Variants in WSCD1 observed in about 807,000 individuals in gnomAD.
The protein encoded by WSCD1 is WSC domain sialate O sulfotransferase 1, also known as sialate:O-sulfotransferase 1.
WSCD1 carries 41 observed loss-of-function variants against 60.4 expected under a neutral mutation model. The ratio of observed to expected loss-of-function variants is 0.68; its 90% confidence interval spans 0.53 to 0.88. The LOEUF (loss-of-function observed/expected upper bound fraction) is 0.88. WSCD1 is among the 40% of genes least tolerant of loss of function. The probability of loss-of-function intolerance (pLI) is 0.00; values close to 1 mark genes in which losing one functional copy is unlikely to be tolerated. For synonymous variants in WSCD1, 361 were observed against 332.5 expected (o/e 1.09, Z -0.93); for missense variants, 784 against 796.2 (o/e 0.98, Z 0.18).
In WSCD1 at chr17:6,091,976, GA is replaced by G. The variant is rs377144982; in HGVS notation, c.727+1475del. Among the ~76,000 whole-genome samples the G allele has an allele frequency of 3.5e-4, 54 of 152,230 alleles. No homozygotes were observed. In the South Asian group the frequency reaches 0.011, roughly 30 times the overall value. ...TCGAGACCAGCCTGACCAACATGGT[GA>G]AAACCCGTCTCTACTAAAAATACAA... On this transcript the variant is annotated intron_variant, in intron 4 of 8. Coordinates refer to ENST00000317744, the MANE Select transcript of WSCD1 (RefSeq NM_015253.2).
In WSCD1 at chr17:6,114,981, G is replaced by A. The variant is rs542220695; in HGVS notation, c.1175-3007G>A. ...GCTGTGTTAGTTTGCTGAGAATGAT[G>A]GCTTCCAGCTTCATGCATGTTCCTG... On this transcript the variant is annotated intron_variant, in intron 7 of 8. Transcript: ENST00000317744. Among the ~76,000 whole-genome samples, 6 of 152,106 alleles carry A rather than the reference G, an allele frequency of 3.9e-5. No individual in the cohort carries two copies. The East Asian group carries it at 1.2e-3, about 29-fold the overall frequency.
At chr17:6,114,153 T>TAAAAAA (rs370433776) in intron 7 of WSCD1, among the ~76,000 whole-genome samples, 1 of 125,196 alleles carries the variant, frequency 8.0e-6, no homozygotes, top group African/African-American at 3.0e-5. Context: ...TAGTTAGCCG[T>TAAAAAA]AAAAAAAAAA....
intron 4 of WSCD1, among the ~76,000 whole-genome samples, chr17:6,093,110 G>A (rs1408823156): frequency 6.6e-6 from 1 of 152,240 alleles, no homozygotes; most frequent in Non-Finnish European, 1.5e-5. Flanking sequence ...TCTTCGCCTT[G>A]GAGGCGTCAT....
At chr17:6,100,640 G>A (rs562432533) in intron 5 of WSCD1, among the ~76,000 whole-genome samples, 129 of 152,338 alleles carry the variant, frequency 8.5e-4, no homozygotes, top group Non-Finnish European at 1.5e-3. Flanking sequence ...GTTGGCATTT[G>A]GGGTTGGATA....
At chr17:6,104,661 T>C (rs1910986442) in intron 5 of WSCD1, among the ~76,000 whole-genome samples, 1 of 152,216 alleles carries the variant, frequency 6.6e-6, no homozygotes. Flanking sequence ...GTACCTTGAA[T>C]ATCCAGATCT....
At position 6,081,112 on chromosome 17, in the gene WSCD1, G is replaced by A; in HGVS notation, c.427+27G>A. On this transcript the variant is annotated intron_variant, in intron 2 of 8. Coordinates refer to ENST00000317744, the MANE Select transcript of WSCD1 (RefSeq NM_015253.2). Reference sequence around the variant, plus strand: ...TAGGCGCTCAGCTGCATTTGGGGGAGCTGTTCCCAGGACCCCCCATTCAGG... The same window carrying A: ...TAGGCGCTCAGCTGCATTTGGGGGAACTGTTCCCAGGACCCCCCATTCAGG... The A allele has an allele frequency of 3.3e-6, 5 of 1,519,330 alleles. No individual in the cohort carries two copies. In the South Asian group the frequency reaches 3.6e-5, roughly 11 times the overall value. The allele number at this position is 1,519,330 out of a possible 1,614,324, so 94.1% of individuals were successfully genotyped here. A position where few individuals can be genotyped will look rare whatever the true frequency, so the allele number is the denominator to read the frequency against.
Position 6,075,297 on chromosome 17 carries a change from C to T in WSCD1, c.-289+4645C>T, listed in dbSNP as rs577033967. Among the ~76,000 whole-genome samples, 28 of 152,236 alleles carry T rather than the reference C, an allele frequency of 1.8e-4. No homozygotes were observed. Among genetic ancestry groups the T allele is most frequent in the African/African-American group, 6.5e-4 (27 of 41,532 alleles). On this transcript the variant is annotated intron_variant, in intron 1 of 8. Transcript: ENST00000317744. The surrounding 1 kb of genome is among the most constrained non-coding windows in gnomAD (Gnocchi z 4.1). ...GCCTGTTCTCTCTGACCGGGGGTCA[C>T]GGGGAGGTTGAGTCATCTGACTGAA...
intron 3 of WSCD1, among the ~76,000 whole-genome samples, chr17:6,088,935 A>G (rs915150432): frequency 1.3e-5 from 2 of 151,654 alleles, no homozygotes; most frequent in Admixed American, 1.3e-4. Context: ...GGCGCCCACC[A>G]CCACGCCCGG....
chr17:6,112,593 G>C (rs1850541878), intron 7 of WSCD1, among the ~76,000 whole-genome samples: 1 of 151,934 alleles, frequency 6.6e-6, no homozygotes, highest in Non-Finnish European at 1.5e-5. Context: ...ACCAATAAAT[G>C]AATTCAGTAA....
At chr17:6,117,894 C>A in intron 7 of WSCD1, 94 bp from the exon 8 acceptor site, 1 of 1,328,176 alleles carries the variant, frequency 7.5e-7, no homozygotes, top group Non-Finnish European at 1.1e-6. Context: ...TCTCTTATGC[C>A]CCTGATGCCA....
rs1904705737 is a variant in WSCD1, at chr17:6,121,509, T to C, written c.*848T>C. The C allele has an allele frequency of 6.6e-6, 1 of 152,186 alleles. No homozygotes were observed. The highest frequency in any genetic ancestry group is 1.5e-5 in the Non-Finnish European group (1 of 68,112). 9.4% of individuals were successfully genotyped at this position (152,186 alleles called of 1,614,324 possible). A position where few individuals can be genotyped will look rare whatever the true frequency, so the allele number is the denominator to read the frequency against. The stretch of plus-strand genomic sequence containing the variant: ...GCCTGGCTTCTTCCTCCAGCTATCC[T>C]CAGGGAAGCTGGAGATTCAAGTCAT... On this transcript the variant is annotated 3_prime_UTR_variant, in exon 9 of 9. Transcript: ENST00000317744.
At chr17:6,074,548 C>T (rs968548551) in intron 1 of WSCD1, among the ~76,000 whole-genome samples, 1 of 152,228 alleles carries the variant, frequency 6.6e-6, no homozygotes, top group African/African-American at 2.4e-5. Flanking sequence ...TGACTCAAGA[C>T]CACACACTAC....
chr17:6,107,097 C>T (rs1325642292), intron 5 of WSCD1, among the ~76,000 whole-genome samples: 1 of 152,190 alleles, frequency 6.6e-6, no homozygotes, highest in African/African-American at 2.4e-5. Flanking sequence ...ACTTGGCTTG[C>T]AGATGGAAGC....
chr17:6,111,059 C>T lies in WSCD1; in HGVS notation c.1174+124C>T, dbSNP rs1192916428. ...AAACTTGAGTGTACATAAGAGTCACCTGTGGGTGGAGCCACTGTGTGCCAT... is the reference window on the plus strand; with the variant it reads ...AAACTTGAGTGTACATAAGAGTCACTTGTGGGTGGAGCCACTGTGTGCCAT... On this transcript the variant is annotated intron_variant, in intron 7 of 8. Coordinates refer to ENST00000317744, the MANE Select transcript of WSCD1 (RefSeq NM_015253.2). 4 of 1,209,518 alleles carry T rather than the reference C, an allele frequency of 3.3e-6. No individual in the cohort carries two copies. The African/African-American group carries it at 5.6e-5, about 17-fold the overall frequency. The allele number at this position is 1,209,518 out of a possible 1,614,324, so 74.9% of individuals were successfully genotyped here.
chr17:6,099,441 G>A (rs559396150), intron 5 of WSCD1, among the ~76,000 whole-genome samples: 1 of 151,362 alleles, frequency 6.6e-6, no homozygotes, highest in Admixed American at 6.6e-5. Flanking sequence ...CTTGAACCCA[G>A]GAGGCAGAGG....
At chr17:6,088,683 G>T (rs1246915005) in intron 3 of WSCD1, among the ~76,000 whole-genome samples, 1 of 127,510 alleles carries the variant, frequency 7.8e-6, no homozygotes. Flanking sequence ...CTGACTGTGT[G>T]TCTGTGTGTG....
At chr17:6,117,622 GTTGT>G (rs1904366950) in intron 7 of WSCD1, among the ~76,000 whole-genome samples, 1 of 152,240 alleles carries the variant, frequency 6.6e-6, no homozygotes, top group South Asian at 2.1e-4. Flanking sequence ...TAAATCAAAG[GTTGT>G]TTGTAATGCT....
Position 6,118,300 on chromosome 17 carries a change from T to C in WSCD1, c.1375+112T>C. 2 of 1,181,184 alleles carry C rather than the reference T, an allele frequency of 1.7e-6. No individual in the cohort carries two copies. Among genetic ancestry groups the C allele is most frequent in the South Asian group, 2.9e-5 (2 of 68,808 alleles). 73.2% of individuals were successfully genotyped at this position (1,181,184 alleles called of 1,614,324 possible). A position where few individuals can be genotyped will look rare whatever the true frequency, so the allele number is the denominator to read the frequency against. On this transcript the variant is annotated intron_variant, in intron 8 of 8. Transcript: ENST00000317744. This position sits in a 1 kb window ranked among gnomAD's most constrained non-coding sequence, Gnocchi z 5.8. ...GGCACTGCAGGATGCAGGATCAGTA[T>C]ACACAGGTAGGCACTCAAACCCCAT...
At chr17:6,092,749 T>A (rs1453973445) in intron 4 of WSCD1, among the ~76,000 whole-genome samples, 4 of 152,180 alleles carry the variant, frequency 2.6e-5, no homozygotes, top group Non-Finnish European at 5.9e-5. Context: ...CAGTAATTGA[T>A]TCTGAAAGGC....
Sources: gnomAD v4.1 joint callset for allele counts (sites outside exome capture counted in the v4.1 genomes callset) on GRCh38, gnomAD v4.1.1 for gene constraint, Gnocchi (gnomAD v3.1) non-coding constraint, MANE v1.5 for transcripts, NCBI Gene and HGNC (gene_info 2026-07-23, HGNC 2026-07-21) for gene names.